STX8: variants seen among roughly 807,000 people sequenced by gnomAD.
STX8 encodes syntaxin-8.
Under a neutral mutation model 37.5 loss-of-function variants are expected in STX8, and 23 were observed. The observed-to-expected ratio is 0.61, with a 90% CI of 0.44 to 0.87. STX8 has a LOEUF of 0.87. Ranked by LOEUF, STX8 falls within the 40% of genes least tolerant of loss-of-function variation. The pLI, the probability that STX8 is intolerant of heterozygous loss-of-function variation, is 0.00. For synonymous variants in STX8, 115 were observed against 99.1 expected, an observed-to-expected ratio of 1.16 and a Z score of -0.95; for missense variants, 313 against 284.7, an observed-to-expected ratio of 1.10 and a Z score of -0.71.
intron 7 of STX8, among the ~76,000 whole-genome samples, chr17:9,285,768 C>T (rs1908051882): frequency 6.6e-6 from 1 of 152,218 alleles, no homozygotes; most frequent in African/African-American, 2.4e-5. Context: ...AATGCCTGGT[C>T]ATAAATGAAC....
intron 7 of STX8, among the ~76,000 whole-genome samples, chr17:9,277,939 A>G (rs1341092864): frequency 6.6e-6 from 1 of 152,150 alleles, no homozygotes; most frequent in Non-Finnish European, 1.5e-5. Flanking sequence ...ATTTTATCCT[A>G]AGTACAAGGG....
At chr17:9,425,337 T>C (rs1398017821) in intron 6 of STX8, among the ~76,000 whole-genome samples, 2 of 152,194 alleles carry the variant, frequency 1.3e-5, no homozygotes, top group African/African-American at 4.8e-5. Context: ...TCACACATGC[T>C]CCTGTCCAGG....
At chr17:9,484,003 T>TC (rs1272363212) in intron 6 of STX8, among the ~76,000 whole-genome samples, 1 of 152,220 alleles carries the variant, frequency 6.6e-6, no homozygotes, top group East Asian at 1.9e-4. Flanking sequence ...AGTGTCATCT[T>TC]CATCAATGCC....
chr17:9,573,363 T>A (rs1267356901), intron 1 of STX8, among the ~76,000 whole-genome samples: 2 of 152,102 alleles, frequency 1.3e-5, no homozygotes, highest in Admixed American at 1.3e-4. Context: ...CTACCCCTTA[T>A]CATAACCCAG....
chr17:9,359,698 C>T lies in STX8; in HGVS notation c.643+18854G>A, dbSNP rs546564380. Among the ~76,000 whole-genome samples the T allele has an allele frequency of 6.6e-5, 10 of 151,950 alleles. No homozygotes were observed. The South Asian group carries it at 1.7e-3, about 25-fold the overall frequency. The stretch of plus-strand genomic sequence containing the variant: ...AATATTTTTGTATTTTTAGTAGAGA[C>T]AGGGTTTCACCGTGTTAGCCAGGAT... On this transcript the variant is annotated intron_variant, in intron 7 of 7. Transcript: ENST00000306357.
At chr17:9,556,778 T>TATACACATAC (rs1555537102) in intron 3 of STX8, 3 of 97,594 alleles carry the variant, frequency 3.1e-5, no homozygotes, top group African/African-American at 4.3e-5. Flanking sequence ...TATATATATA[T>TATACACATAC]ATATATATAT....
chr17:9,554,478 T>A (rs1231284762), intron 3 of STX8: 1 of 152,142 alleles, frequency 6.6e-6, no homozygotes, highest in Non-Finnish European at 1.5e-5. Flanking sequence ...ATCTGGAAGA[T>A]AACTGCCAGA....
chr17:9,299,195 A>C (rs1908674706), intron 7 of STX8, among the ~76,000 whole-genome samples: 1 of 152,254 alleles, frequency 6.6e-6, no homozygotes, highest in African/African-American at 2.4e-5. Context: ...ACGCAGGCAC[A>C]GTGACCTTTT....
At chr17:9,547,415 C>G (rs1400425030) in intron 3 of STX8, 6 of 151,912 alleles carry the variant, frequency 3.9e-5, no homozygotes, top group African/African-American at 1.4e-4. Context: ...GCAGGTGGAT[C>G]ACGAGGTCAG....
intron 6 of STX8, among the ~76,000 whole-genome samples, chr17:9,396,625 G>A (rs1428518652): frequency 2.6e-5 from 4 of 151,376 alleles, no homozygotes; most frequent in East Asian, 1.9e-4. Flanking sequence ...CAGGAGATTC[G>A]CTTGAACCCA....
At chr17:9,543,292 G>GTACTTTTT (rs371620984) in intron 4 of STX8, among the ~76,000 whole-genome samples, 373 of 33,964 alleles carry the variant, frequency 0.011, 2 homozygotes, top group African/African-American at 0.056. Flanking sequence ...CTAGAAGACA[G>GTACTTTTT]TTTTTTGGTT....
chr17:9,427,679 T>C (rs935817739), intron 6 of STX8, among the ~76,000 whole-genome samples: 1 of 152,116 alleles, frequency 6.6e-6, no homozygotes, highest in African/African-American at 2.4e-5. Context: ...TGGCAACTGT[T>C]GGCTCACAGA....
rs139580626 is a variant in STX8, at chr17:9,274,036, G to A, written c.644-23391C>T. On this transcript the variant is annotated intron_variant, in intron 7 of 7. Transcript: ENST00000306357. Reference sequence around the variant, plus strand: ...GTCATTACAGTCTCATGTTAGCTCTGGGGAAATGACCATAACCGGTACTTA... The same window carrying A: ...GTCATTACAGTCTCATGTTAGCTCTAGGGAAATGACCATAACCGGTACTTA... Among the ~76,000 whole-genome samples, 251 of 152,272 alleles carry A rather than the reference G, an allele frequency of 1.6e-3. 3 individuals carry two copies. Among genetic ancestry groups the A allele is most frequent in the African/African-American group, 5.6e-3 (234 of 41,556 alleles).
At chr17:9,304,922 A>ATAT (rs1567776518) in intron 7 of STX8, among the ~76,000 whole-genome samples, 1 of 135,936 alleles carries the variant, frequency 7.4e-6, no homozygotes, top group African/African-American at 3.4e-5. Flanking sequence ...GGCGAAAAAA[A>ATAT]AAATATGTAT....
At chr17:9,257,579 A>G (rs565317124) in intron 7 of STX8, among the ~76,000 whole-genome samples, 2 of 152,316 alleles carry the variant, frequency 1.3e-5, no homozygotes, top group East Asian at 3.9e-4. Flanking sequence ...GGCTGATGGG[A>G]AAGCAAGAGG....
At chr17:9,489,691 C>CTTTTTT (rs4063411) in intron 6 of STX8, among the ~76,000 whole-genome samples, 66,368 of 126,646 alleles carry the variant, frequency 0.52, 19,610 homozygotes, top group Middle Eastern at 0.66. Context: ...GCTTACTTTC[C>CTTTTTT]TTTTTTTTTT....
intron 3 of STX8, among the ~76,000 whole-genome samples, chr17:9,546,854 C>T (rs1477715466): frequency 1.3e-5 from 2 of 150,706 alleles, no homozygotes; most frequent in Admixed American, 1.3e-4. Flanking sequence ...ACCTCAGCCT[C>T]CCAAAGTGCT....
chr17:9,268,308 G>A (rs1223290052), intron 7 of STX8, among the ~76,000 whole-genome samples: 1 of 151,872 alleles, frequency 6.6e-6, no homozygotes, highest in African/African-American at 2.4e-5. Context: ...AAGAGAGAGA[G>A]AGAGACTTCA....
At chr17:9,465,704 C>G (rs1196940908) in intron 6 of STX8, among the ~76,000 whole-genome samples, 1 of 152,140 alleles carries the variant, frequency 6.6e-6, no homozygotes. Context: ...TCGGATCACT[C>G]GAACAACGAC....
Sources: allele counts gnomAD v4.1 joint callset (sites outside exome capture counted in the v4.1 genomes callset), GRCh38; gene constraint gnomAD v4.1.1; transcripts MANE v1.5; gene names NCBI Gene and HGNC (gene_info 2026-07-23, HGNC 2026-07-21).